KCNMB4: variants seen among roughly 807,000 people sequenced by gnomAD.
The protein encoded by KCNMB4 is calcium-activated potassium channel subunit beta-4.
A neutral mutation model predicts 20.7 loss-of-function variants in KCNMB4; 3 were observed. That is an observed-to-expected ratio of 0.14 (90% CI 0.07 to 0.37). KCNMB4 has a LOEUF of 0.37. Ranked by LOEUF, KCNMB4 falls within the 10% of genes least tolerant of loss-of-function variation. The probability of loss-of-function intolerance (pLI) is 1.00; values close to 1 mark genes in which losing one functional copy is unlikely to be tolerated. For missense variants in KCNMB4, 168 were observed against 265.9 expected (o/e 0.63, Z 2.56); for synonymous variants, 110 against 113.4 (o/e 0.97, Z 0.19).
chr12:70,411,200 C>T (rs893007138), intron 2 of KCNMB4, among the ~76,000 whole-genome samples: 22 of 152,216 alleles, frequency 1.4e-4, no homozygotes, highest in Admixed American at 1.4e-3. Flanking sequence ...ATTACAACAA[C>T]TTAAGATGCT....
At chr12:70,391,407 A>C (rs1369473665) in intron 1 of KCNMB4, among the ~76,000 whole-genome samples, 1 of 151,970 alleles carries the variant, frequency 6.6e-6, no homozygotes, top group African/African-American at 2.4e-5. Flanking sequence ...GGCTCAAGCT[A>C]TCCTCACCTC....
chr12:70,389,937 C>G (rs1293499957), intron 1 of KCNMB4, among the ~76,000 whole-genome samples: 1 of 152,154 alleles, frequency 6.6e-6, no homozygotes, highest in Non-Finnish European at 1.5e-5. Flanking sequence ...ATGTATAGAT[C>G]AGAGTTCTAT....
chr12:70,386,794 A>G (rs1338538450), intron 1 of KCNMB4, among the ~76,000 whole-genome samples: 1 of 152,182 alleles, frequency 6.6e-6, no homozygotes. Flanking sequence ...AACTTCTATA[A>G]TGTTTTTCAT....
chr12:70,425,416 C>T lies in KCNMB4; in HGVS notation c.465-5069C>T, dbSNP rs563663939. Reference sequence around the variant, plus strand: ...TCGGGCCATTGCACTTCAGCCTGGGCGACAGAGCAAGACCCCATCTCAAAA... The same window carrying T: ...TCGGGCCATTGCACTTCAGCCTGGGTGACAGAGCAAGACCCCATCTCAAAA... On this transcript the variant is annotated intron_variant, in intron 2 of 2. Transcript: ENST00000258111. Among the ~76,000 whole-genome samples the T allele has an allele frequency of 2.4e-4, 36 of 152,112 alleles. No individual in the cohort carries two copies. In the South Asian group the frequency reaches 6.7e-3, roughly 28 times the overall value.
chr12:70,372,836 G>C (rs887373122), intron 1 of KCNMB4, among the ~76,000 whole-genome samples: 1 of 152,082 alleles, frequency 6.6e-6, no homozygotes, highest in Admixed American at 6.5e-5. Context: ...AACATCCAGA[G>C]GGAAAAAGTT....
intron 1 of KCNMB4, among the ~76,000 whole-genome samples, chr12:70,377,541 CAG>C (rs1883709484): frequency 6.6e-6 from 1 of 152,140 alleles, no homozygotes; most frequent in Non-Finnish European, 1.5e-5. Context: ...GCTGACTAAT[CAG>C]GGTGGTGGTT....
intron 1 of KCNMB4, among the ~76,000 whole-genome samples, chr12:70,372,239 C>A (rs1292528149): frequency 6.6e-6 from 1 of 152,192 alleles, no homozygotes; most frequent in Non-Finnish European, 1.5e-5. Flanking sequence ...TCCTAAAGAA[C>A]ACGATACGGA....
intron 2 of KCNMB4, among the ~76,000 whole-genome samples, chr12:70,402,653 T>TTAA (rs1868485442): frequency 9.0e-4 from 15 of 16,630 alleles, no homozygotes; most frequent in African/African-American, 5.6e-3. Flanking sequence ...AGACCCTGCC[T>TTAA]CAAAAAAAAA....
intron 2 of KCNMB4, among the ~76,000 whole-genome samples, chr12:70,412,453 A>T (rs367647809): frequency 6.6e-6 from 1 of 152,192 alleles, no homozygotes. Flanking sequence ...ACATGCTTAG[A>T]AATAGGCATC....
At chr12:70,422,803 C>G (rs977838287) in intron 2 of KCNMB4, 1 of 1,258,152 alleles carries the variant, frequency 7.9e-7, no homozygotes, top group African/African-American at 1.6e-5. Context: ...TTTTAAGAAT[C>G]ACATTGGGAA....
At chr12:70,420,220 G>C (rs537543843) in intron 2 of KCNMB4, among the ~76,000 whole-genome samples, 1 of 152,298 alleles carries the variant, frequency 6.6e-6, no homozygotes, top group South Asian at 2.1e-4. Flanking sequence ...TGGTACTGTG[G>C]CTGTCTGAAT....
chr12:70,366,700 G>A lies in KCNMB4; in HGVS notation c.-35G>A. ...CTCGGCGCCGGGGGCGGGAGGGGGC[G>A]GGGGGAGCACGCCAGCCGCCGAGAG... On this transcript the variant is annotated 5_prime_UTR_variant, in exon 1 of 3. Transcript: ENST00000258111. 6.8e-6 allele frequency: 10 copies of A among 1,467,392 alleles called. No homozygotes were observed. The highest frequency in any genetic ancestry group is 1.4e-5 in the South Asian group (1 of 73,466). 90.9% of individuals were successfully genotyped at this position (1,467,392 alleles called of 1,614,324 possible).
intron 2 of KCNMB4, among the ~76,000 whole-genome samples, chr12:70,414,365 G>C (rs376288637): frequency 3.9e-5 from 6 of 152,186 alleles, no homozygotes; most frequent in African/African-American, 1.4e-4. Flanking sequence ...TATAATCTCA[G>C]TGTGGAGGTA....
At chr12:70,422,725 C>G (rs775439867) in intron 2 of KCNMB4, 1 of 1,289,148 alleles carries the variant, frequency 7.8e-7, no homozygotes, top group South Asian at 1.2e-5. Flanking sequence ...GATTACCCCT[C>G]TTTATTTCTG....
chr12:70,408,611 G>A (rs891383969), intron 2 of KCNMB4, among the ~76,000 whole-genome samples: 9 of 151,844 alleles, frequency 5.9e-5, no homozygotes, highest in South Asian at 2.1e-4. Flanking sequence ...GTCTCGGTGC[G>A]GCCATCCCTC....
Position 70,372,563 on chromosome 12 carries a change from CAA to C in KCNMB4, c.336+5495_336+5496del, listed in dbSNP as rs544343404. ...GGGAAAGAGGAGTTGAGAATGGCTC[CAA>C]AGTTTGTGTCAAGTGCAACTGGGTG... On this transcript the variant is annotated intron_variant, in intron 1 of 2. Transcript: ENST00000258111. 2.0e-3 allele frequency among the ~76,000 whole-genome samples: 311 copies of C among 152,034 alleles called. 1 individual carries two copies. The highest frequency in any genetic ancestry group is 7.4e-3 in the African/African-American group (305 of 41,476).
At chr12:70,388,969 T>G (rs1395875831) in intron 1 of KCNMB4, among the ~76,000 whole-genome samples, 1 of 133,660 alleles carries the variant, frequency 7.5e-6, no homozygotes, top group Non-Finnish European at 1.6e-5. Flanking sequence ...TTTTTAGGGC[T>G]TTTTTTTTTT....
intron 2 of KCNMB4, chr12:70,422,726 T>C: frequency 7.8e-7 from 1 of 1,288,358 alleles, no homozygotes; most frequent in Non-Finnish European, 1.0e-6. Flanking sequence ...ATTACCCCTC[T>C]TTATTTCTGA....
chr12:70,368,877 G>A (rs920366595), intron 1 of KCNMB4, among the ~76,000 whole-genome samples: 1 of 152,140 alleles, frequency 6.6e-6, no homozygotes, highest in Non-Finnish European at 1.5e-5. Context: ...GTATCTGGCA[G>A]AAAAAGTAAA....
Sources: allele counts gnomAD v4.1 joint callset (sites outside exome capture counted in the v4.1 genomes callset), GRCh38; gene constraint gnomAD v4.1.1; transcripts MANE v1.5; gene names NCBI Gene and HGNC (gene_info 2026-07-23, HGNC 2026-07-21).